The following LVRN variants were observed in gnomAD, a reference collection of about 807,000 sequenced individuals.
LVRN encodes the protein laeverin.
In LVRN, 99 loss-of-function variants were observed where a neutral mutation model predicts 111.4. The observed-to-expected ratio is 0.89, with a 90% CI of 0.76 to 1.05. The LOEUF is 1.05. Ranked by LOEUF, LVRN falls within the 50% of genes least tolerant of loss-of-function variation. LVRN has a pLI of 0.00. For missense variants in LVRN, 1,414 were observed against 1,206.8 expected, an observed-to-expected ratio of 1.17 and a Z score of -2.54; for synonymous variants, 488 against 449.5, an observed-to-expected ratio of 1.09 and a Z score of -1.08.
intron 6 of LVRN, 93 bp downstream of exon 6, chr5:115,993,947 T>C: frequency 2.9e-6 from 2 of 682,606 alleles, no homozygotes; most frequent in East Asian, 6.5e-5. Flanking sequence ...TACAAGAAAA[T>C]ACAAGAAATA....
intron 14 of LVRN, 123 bp downstream of exon 14, chr5:116,011,017 A>G (rs1748478224): frequency 1.3e-5 from 4 of 308,074 alleles, no homozygotes; most frequent in East Asian, 5.6e-5. Context: ...ATATATATAT[A>G]TATATATATG....
intron 1 of LVRN, among the ~76,000 whole-genome samples, chr5:115,976,983 C>T (rs1753462696): frequency 2.0e-5 from 3 of 152,162 alleles, no homozygotes; most frequent in African/African-American, 4.8e-5. Context: ...TAGTCTCCCT[C>T]TGTTGAATAA....
At chr5:115,973,972 AT>A (rs1449867452) in intron 1 of LVRN, among the ~76,000 whole-genome samples, 1 of 152,148 alleles carries the variant, frequency 6.6e-6, no homozygotes, top group African/African-American at 2.4e-5. Context: ...TTCTTTAAAC[AT>A]TTACAGAATA....
In LVRN at chr5:115,963,069, A is replaced by G. The variant is rs917770324; in HGVS notation, c.452A>G (p.Gln151Arg). 1 of 1,613,418 alleles carries G rather than the reference A, an allele frequency of 6.2e-7. No homozygotes were observed. Among genetic ancestry groups the G allele is most frequent in the Admixed American group, 1.7e-5 (1 of 60,012 alleles). The change falls in exon 1 of 20, where the codon CAG (glutamine) becomes CGG (arginine). Residue 151 changes from glutamine to arginine, a missense_variant. By Grantham distance (43) the Gln-to-Arg change is conservative (BLOSUM62 1). Transcript: ENST00000357872. Reference protein sequence around the residue: ...TSRLLLHSLFQDCERAEVRGP... With the variant: ...TSRLLLHSLFRDCERAEVRGP... ...CGACTGCTGCTGCATAGCCTCTTCC[A>G]GGACTGCGAGCGCGCCGAGGTGCGG...
At chr5:115,985,376 T>C (rs1747834621) in intron 3 of LVRN, among the ~76,000 whole-genome samples, 1 of 152,106 alleles carries the variant, frequency 6.6e-6, no homozygotes, top group Non-Finnish European at 1.5e-5. Flanking sequence ...AGTAGATCTT[T>C]GCTCTGTAAC....
At chr5:116,002,261 T>C (rs922459380) in intron 10 of LVRN, among the ~76,000 whole-genome samples, 3 of 152,100 alleles carry the variant, frequency 2.0e-5, no homozygotes, top group African/African-American at 7.2e-5. Context: ...AAACTCTGAG[T>C]AGTGTGTCTC....
intron 12 of LVRN, 37 bp from the exon 13 acceptor site, chr5:116,005,875 C>T: frequency 6.5e-7 from 1 of 1,550,064 alleles, no homozygotes; most frequent in Non-Finnish European, 8.9e-7. Context: ...AAAATGTTCT[C>T]ATCTTCTTCT....
intron 1 of LVRN, chr5:115,976,201 GC>G (rs1753446337): frequency 6.6e-6 from 1 of 152,370 alleles, no homozygotes; most frequent in African/African-American, 2.4e-5. Context: ...CAGTTCCTCT[GC>G]CAGTCTCCTC....
chr5:115,993,853 G>A lies in LVRN; in HGVS notation c.1373G>A (p.Arg458Lys). Residue 458 changes from arginine (R) to lysine (K), a missense_variant and splice_region_variant, in exon 6 of 20, where the codon AGA becomes AAA. Physicochemically the swap from Arg to Lys is conservative, Grantham distance 26 (BLOSUM62 2). Transcript: ENST00000357872. ...AACTACTTTAATCCTAAACTCCCAA[G>A]AGTAAGTATGTTTACTAAGTTTATT... ...VINYFNPKLP[R>K]NEIFFSNILH... 6.5e-7 allele frequency: 1 copy of A among 1,541,096 alleles called. No homozygotes were observed. Among genetic ancestry groups the A allele is most frequent in the Non-Finnish European group, 8.9e-7 (1 of 1,129,218 alleles).
rs973588566 is a variant in LVRN, at chr5:116,008,077, C to T, written c.2093+2110C>T. 1.4e-4 allele frequency among the ~76,000 whole-genome samples: 21 copies of T among 152,236 alleles called. No individual in the cohort carries two copies. In the Middle Eastern group the frequency reaches 0.01, roughly 74 times the overall value. ...GAAATTAGGGCCGGGTGTGGTGGCT[C>T]ATGCCTGTAATCCCAGCACTTTGGG... On this transcript the variant is annotated intron_variant, in intron 13 of 19. Coordinates refer to ENST00000357872, the MANE Select transcript of LVRN (RefSeq NM_173800.5).
intron 9 of LVRN, 101 bp downstream of exon 9, chr5:116,000,759 G>T: frequency 7.7e-7 from 1 of 1,300,986 alleles, no homozygotes; most frequent in Non-Finnish European, 1.1e-6. Context: ...CAGGAAAACA[G>T]CTTTGTCTTG....
In LVRN at chr5:115,988,402, T is replaced by C. The variant is rs75735622; in HGVS notation, c.1105+463T>C. 3.5e-3 allele frequency among the ~76,000 whole-genome samples: 540 copies of C among 152,122 alleles called. 3 individuals are homozygous for C. The highest frequency in any genetic ancestry group is 0.012 in the African/African-American group (515 of 41,548). ...AGGACTTAGTGGTCCCAACTATGAA[T>C]TTTCATCATATAAAATTGGAATCAT... On this transcript the variant is annotated intron_variant, in intron 4 of 19. Transcript: ENST00000357872.
chr5:116,017,194 T>G (rs2112638004), intron 18 of LVRN, among the ~76,000 whole-genome samples: 1 of 152,306 alleles, frequency 6.6e-6, no homozygotes, highest in South Asian at 2.1e-4. Context: ...GAGGCCAACT[T>G]GGGACTAGTC....
chr5:115,966,214 C>G (rs1392943805), intron 1 of LVRN, among the ~76,000 whole-genome samples: 1 of 152,200 alleles, frequency 6.6e-6, no homozygotes, highest in Admixed American at 6.5e-5. Flanking sequence ...CCTTTTTATG[C>G]ACTCATACCA....
chr5:115,994,290 G>A (rs1002489358), intron 6 of LVRN, among the ~76,000 whole-genome samples: 1 of 152,030 alleles, frequency 6.6e-6, no homozygotes, highest in South Asian at 2.1e-4. Context: ...CACCTAGGCT[G>A]GAGACATGGT....
Position 116,010,866 on chromosome 5 carries a change from A to G in LVRN, c.2219A>G (p.Asn740Ser). The G allele has an allele frequency of 1.2e-6, 2 of 1,608,604 alleles. No individual in the cohort carries two copies. The highest frequency in any genetic ancestry group is 1.3e-5 in the African/African-American group (1 of 74,718). ...LVTRDLVSEV[N>S]IYDIYSLLKR... Reference sequence around the variant, plus strand: ...ACCAGGGATCTTGTTTCTGAGGTGAACATCTATGATATATACTCATTATTA... The same window carrying G: ...ACCAGGGATCTTGTTTCTGAGGTGAGCATCTATGATATATACTCATTATTA... Residue 740 changes from asparagine (N) to serine (S), a missense_variant, in exon 14 of 20, where the codon AAC (asparagine) becomes AGC (serine). Asn to Ser is a conservative substitution (Grantham distance 46). Coordinates refer to ENST00000357872, the MANE Select transcript of LVRN (RefSeq NM_173800.5).
chr5:116,002,186 C>A (rs1288961022), intron 10 of LVRN, among the ~76,000 whole-genome samples: 1 of 152,184 alleles, frequency 6.6e-6, no homozygotes, highest in Non-Finnish European at 1.5e-5. Context: ...TAAACACAGA[C>A]CCACAGTTGA....
intron 18 of LVRN, among the ~76,000 whole-genome samples, chr5:116,016,956 T>TA (rs1394348969): frequency 6.6e-6 from 1 of 152,228 alleles, no homozygotes; most frequent in Non-Finnish European, 1.5e-5. Context: ...TTTCTAGTAA[T>TA]AAAAAGTTTT....
Position 116,014,435 on chromosome 5 carries a change from A to G in LVRN, c.2358A>G (p.Lys786=). ...DDYLALISLE[K]LFVTACWLGL... ...TTTCTTCAAGAATATCACTGGAAAA[A>G]CTTTTTGTAACTGCGTGTTGGTTGG... The change falls in exon 16 of 20, where the codon AAA becomes AAG. Residue 786 remains lysine, a synonymous_variant. Transcript: ENST00000357872. 1 of 1,611,222 alleles carries G rather than the reference A, an allele frequency of 6.2e-7. No individual in the cohort carries two copies. The highest frequency in any genetic ancestry group is 8.5e-7 in the Non-Finnish European group (1 of 1,178,482).
Sources: gnomAD v4.1 joint callset for allele counts (sites outside exome capture counted in the v4.1 genomes callset) on GRCh38, gnomAD v4.1.1 for gene constraint, MANE v1.5 for transcripts, NCBI Gene and HGNC (gene_info 2026-07-23, HGNC 2026-07-21) for gene names.